ANKRD6: variants seen among roughly 807,000 people sequenced by gnomAD.
The protein encoded by ANKRD6 is ankyrin repeat domain-containing protein 6.
In ANKRD6, 56 loss-of-function variants were observed where a neutral mutation model predicts 82.3. The observed-to-expected ratio is 0.68, with a 90% CI of 0.55 to 0.85. The LOEUF (loss-of-function observed/expected upper bound fraction) is 0.85, where lower values mean the gene tolerates loss of function less well. Among genes scored for constraint, ANKRD6 ranks in the 40% least tolerant of loss-of-function variants. ANKRD6 has a pLI of 0.00. For synonymous variants in ANKRD6, 347 were observed against 352.1 expected, an observed-to-expected ratio of 0.99 and a Z score of 0.16; for missense variants, 852 against 907.6, an observed-to-expected ratio of 0.94 and a Z score of 0.79.
At chr6:89,463,702 C>G (rs1202240) in intron 1 of ANKRD6, among the ~76,000 whole-genome samples, 68,472 of 151,800 alleles carry the variant, frequency 0.45, 15,875 homozygotes, top group African/African-American at 0.54. Flanking sequence ...GTGCCCGCCA[C>G]CATGCCCAGC....
At chr6:89,622,122 C>A in intron 10 of ANKRD6, 96 bp downstream of exon 10, 1 of 1,087,984 alleles carries the variant, frequency 9.2e-7, no homozygotes, top group South Asian at 1.5e-5. Flanking sequence ...GGTGGCTGCC[C>A]GGCCCTCTCT....
chr6:89,451,161 T>C (rs1363765111), intron 1 of ANKRD6, among the ~76,000 whole-genome samples: 1 of 151,972 alleles, frequency 6.6e-6, no homozygotes, highest in Non-Finnish European at 1.5e-5. Flanking sequence ...TACAAAAAGT[T>C]AGTAGGGCAT....
intron 1 of ANKRD6, among the ~76,000 whole-genome samples, chr6:89,472,126 TA>T (rs1322456416): frequency 6.6e-6 from 1 of 152,040 alleles, no homozygotes; most frequent in Non-Finnish European, 1.5e-5. Flanking sequence ...TTCATCTTCT[TA>T]GGGTGGTCTC....
At chr6:89,441,504 A>G (rs893023499) in intron 1 of ANKRD6, among the ~76,000 whole-genome samples, 35 of 151,818 alleles carry the variant, frequency 2.3e-4, no homozygotes, top group African/African-American at 8.2e-4. Context: ...CCTTAGACCA[A>G]TACTTCTCAA....
intron 5 of ANKRD6, among the ~76,000 whole-genome samples, chr6:89,607,557 A>G (rs549072212): frequency 1.6e-4 from 25 of 152,226 alleles, no homozygotes; most frequent in African/African-American, 5.1e-4. Flanking sequence ...AACAGTGGTT[A>G]TCTCTGGGAA....
intron 1 of ANKRD6, among the ~76,000 whole-genome samples, chr6:89,544,525 T>C (rs1054786733): frequency 7.9e-5 from 12 of 152,004 alleles, no homozygotes; most frequent in Non-Finnish European, 1.5e-4. Flanking sequence ...CCATCCTGGC[T>C]AGCACGGTGA....
At chr6:89,572,752 A>G (rs1583378122) in intron 2 of ANKRD6, among the ~76,000 whole-genome samples, 1 of 152,178 alleles carries the variant, frequency 6.6e-6, no homozygotes, top group East Asian at 1.9e-4. Flanking sequence ...TGGCTTTCCC[A>G]GGACCATTTG....
At chr6:89,550,384 T>C (rs968003622) in intron 1 of ANKRD6, among the ~76,000 whole-genome samples, 2 of 152,136 alleles carry the variant, frequency 1.3e-5, no homozygotes, top group African/African-American at 4.8e-5. Flanking sequence ...CAATATTGGA[T>C]AAATTTCACA....
At chr6:89,499,518 C>G (rs1202158640) in intron 1 of ANKRD6, among the ~76,000 whole-genome samples, 1 of 152,138 alleles carries the variant, frequency 6.6e-6, no homozygotes, top group African/African-American at 2.4e-5. Context: ...TAGACATTAT[C>G]TAGTTTAACG....
At chr6:89,563,733 A>G (rs1438582415) in intron 1 of ANKRD6, among the ~76,000 whole-genome samples, 3 of 151,518 alleles carry the variant, frequency 2.0e-5, no homozygotes, top group Non-Finnish European at 2.9e-5. Flanking sequence ...CCCCTGCAAC[A>G]CACACATCTC....
intron 4 of ANKRD6, among the ~76,000 whole-genome samples, chr6:89,603,908 T>C (rs1797881582): frequency 1.3e-5 from 2 of 152,274 alleles, no homozygotes; most frequent in South Asian, 4.1e-4. Flanking sequence ...GAAGCTGAGA[T>C]GGGAGGATTG....
chr6:89,622,067 C>T (rs771199074), intron 10 of ANKRD6, 41 bp downstream of exon 10: 11 of 1,569,256 alleles, frequency 7.0e-6, no homozygotes, highest in Non-Finnish European at 8.7e-6. Flanking sequence ...TCCACCCATG[C>T]TCAGAGGGTG....
intron 1 of ANKRD6, among the ~76,000 whole-genome samples, chr6:89,474,919 T>C (rs1412507480): frequency 6.6e-6 from 1 of 152,232 alleles, no homozygotes; most frequent in East Asian, 1.9e-4. Context: ...GGTTATAAGC[T>C]GTTCTAGACA....
intron 1 of ANKRD6, among the ~76,000 whole-genome samples, chr6:89,474,948 A>G (rs555348006): frequency 6.6e-6 from 1 of 152,224 alleles, no homozygotes; most frequent in South Asian, 2.1e-4. Flanking sequence ...TCTAGTGTTG[A>G]TTTCACTTTG....
intron 1 of ANKRD6, among the ~76,000 whole-genome samples, chr6:89,486,589 A>G (rs1335427232): frequency 6.6e-6 from 1 of 152,156 alleles, no homozygotes; most frequent in Non-Finnish European, 1.5e-5. Flanking sequence ...ATTTGAGATC[A>G]GGGTGTCAGC....
intron 14 of ANKRD6, 137 bp from the exon 15 acceptor site, chr6:89,628,975 C>A: frequency 1.1e-6 from 1 of 943,256 alleles, no homozygotes; most frequent in South Asian, 1.7e-5. Flanking sequence ...CAAGCCATAA[C>A]TTTTGGGTTT....
intron 2 of ANKRD6, among the ~76,000 whole-genome samples, chr6:89,591,429 C>A (rs1794889510): frequency 6.6e-6 from 1 of 152,156 alleles, no homozygotes; most frequent in African/African-American, 2.4e-5. Flanking sequence ...AATACATGGT[C>A]TTTTCTCCTG....
At chr6:89,596,083 G>T in intron 3 of ANKRD6, 69 bp downstream of exon 3, 1 of 1,345,232 alleles carries the variant, frequency 7.4e-7, no homozygotes, top group Non-Finnish European at 1.0e-6. Flanking sequence ...AATCCACAAA[G>T]TGTAAGCTGT....
chr6:89,581,870 G>T (rs778982133), intron 2 of ANKRD6, among the ~76,000 whole-genome samples: 1 of 152,206 alleles, frequency 6.6e-6, no homozygotes, highest in Non-Finnish European at 1.5e-5. Flanking sequence ...TCTGCTCCGG[G>T]TTAGCACATC....
Sources: gnomAD v4.1 joint callset for allele counts (sites outside exome capture counted in the v4.1 genomes callset) on GRCh38, gnomAD v4.1.1 for gene constraint, MANE v1.5 for transcripts, NCBI Gene and HGNC (gene_info 2026-07-23, HGNC 2026-07-21) for gene names.